C1QTNF3: variants seen among roughly 807,000 people sequenced by gnomAD.
C1QTNF3 encodes the protein complement C1q tumor necrosis factor-related protein 3.
A neutral mutation model predicts 32.6 loss-of-function variants in C1QTNF3; 26 were observed. The observed-to-expected ratio is 0.80, with a 90% confidence interval of 0.58 to 1.11. C1QTNF3 has a LOEUF of 1.11. Ranked by LOEUF, C1QTNF3 falls within the 50% of genes least tolerant of loss-of-function variation. C1QTNF3 has a pLI of 0.00. For missense variants in C1QTNF3, 362 were observed against 398.2 expected, an observed-to-expected ratio of 0.91 and a Z score of 0.77; for synonymous variants, 155 against 146.0, an observed-to-expected ratio of 1.06 and a Z score of -0.44.
chr5:34,064,163 G>A, the C1QTNF3 span, among the ~76,000 whole-genome samples: 8 of 152,280 alleles, frequency 5.3e-5, no homozygotes, highest in Non-Finnish European at 7.4e-5. Context: ...CAGCAGCCAC[G>A]CTAATCTTTT....
the C1QTNF3 span, among the ~76,000 whole-genome samples, chr5:34,164,319 C>A: frequency 6.6e-6 from 1 of 152,094 alleles, no homozygotes; most frequent in South Asian, 2.1e-4. Flanking sequence ...TCGAATTAGA[C>A]AATAATGTGG....
chr5:34,163,265 TACA>T, the C1QTNF3 span, among the ~76,000 whole-genome samples: 6 of 152,090 alleles, frequency 3.9e-5, no homozygotes, highest in Non-Finnish European at 7.4e-5. Flanking sequence ...TGATGTTATG[TACA>T]ACAACCCCCC....
intron 4 of C1QTNF3, among the ~76,000 whole-genome samples, chr5:34,027,974 A>C (rs2112104366): frequency 6.6e-6 from 1 of 152,210 alleles, no homozygotes; most frequent in Non-Finnish European, 1.5e-5. Context: ...TTGCATAAAC[A>C]AGCTCTTTTT....
the C1QTNF3 span, among the ~76,000 whole-genome samples, chr5:34,110,511 C>T: frequency 3.6e-3 from 540 of 150,818 alleles, no homozygotes; most frequent in Non-Finnish European, 6.3e-3. Context: ...CTCTCTATCA[C>T]AAAAGTTTCC....
the C1QTNF3 span, chr5:34,244,698 T>G: frequency 6.6e-6 from 1 of 152,038 alleles, no homozygotes; most frequent in Non-Finnish European, 1.5e-5. Context: ...CCCACCGGAC[T>G]CAGGAGCCCA....
the C1QTNF3 span, among the ~76,000 whole-genome samples, chr5:34,055,832 A>G: frequency 6.6e-6 from 1 of 152,236 alleles, no homozygotes; most frequent in African/African-American, 2.4e-5. Context: ...TCCAATATGC[A>G]GTGGGAAATC....
the C1QTNF3 span, among the ~76,000 whole-genome samples, chr5:34,221,442 GTTC>G: frequency 6.6e-6 from 1 of 152,006 alleles, no homozygotes; most frequent in Non-Finnish European, 1.5e-5. Flanking sequence ...ACATTGAAAT[GTTC>G]TTTATCAAAG....
chr5:34,144,996 G>A, the C1QTNF3 span, among the ~76,000 whole-genome samples: 6 of 152,256 alleles, frequency 3.9e-5, no homozygotes, highest in East Asian at 1.2e-3. Flanking sequence ...AGGCGTGGTG[G>A]TGCGTGCCTG....
the C1QTNF3 span, among the ~76,000 whole-genome samples, chr5:34,156,394 T>C: frequency 6.6e-6 from 1 of 152,188 alleles, no homozygotes; most frequent in Admixed American, 6.5e-5. Flanking sequence ...TAACAGTCTT[T>C]CATAAAAAAT....
At chr5:34,026,730 G>A (rs73079053) in intron 4 of C1QTNF3, among the ~76,000 whole-genome samples, 6,686 of 152,038 alleles carry the variant, frequency 0.044, 189 homozygotes, top group Middle Eastern at 0.099. Context: ...GCATACGGCT[G>A]GTCTAGGAAA....
the C1QTNF3 span, among the ~76,000 whole-genome samples, chr5:34,134,039 T>C: frequency 6.6e-6 from 1 of 152,234 alleles, no homozygotes; most frequent in Admixed American, 6.5e-5. Context: ...AATGACTTGA[T>C]GATAATTATA....
chr5:34,114,370 GCAAA>G, the C1QTNF3 span, among the ~76,000 whole-genome samples: 3 of 151,962 alleles, frequency 2.0e-5, no homozygotes, highest in Non-Finnish European at 2.9e-5. Context: ...GTATCTATAA[GCAAA>G]CAAAAAAATC....
upstream of C1QTNF3, chr5:34,043,358 T>G: frequency 1.8e-6 from 1 of 544,416 alleles, no homozygotes; most frequent in Non-Finnish European, 3.3e-6. Flanking sequence ...ACGATTTGTG[T>G]GCACAGTTCC....
chr5:34,155,769 C>T, the C1QTNF3 span, among the ~76,000 whole-genome samples: 1 of 151,964 alleles, frequency 6.6e-6, no homozygotes, highest in Non-Finnish European at 1.5e-5. Flanking sequence ...CAAATCTTGA[C>T]TGTTGTTTTA....
the C1QTNF3 span, among the ~76,000 whole-genome samples, chr5:34,220,325 T>C: frequency 1.3e-5 from 2 of 152,058 alleles, no homozygotes; most frequent in Non-Finnish European, 2.9e-5. Flanking sequence ...TTTTAGACAG[T>C]GGAGATGCCA....
chr5:34,153,622 C>T, the C1QTNF3 span, among the ~76,000 whole-genome samples: 3 of 58,368 alleles, frequency 5.1e-5, no homozygotes, highest in Non-Finnish European at 6.6e-5. Context: ...AACCAAACAC[C>T]GCATATTCTC....
the C1QTNF3 span, among the ~76,000 whole-genome samples, chr5:34,074,979 T>C: frequency 6.6e-6 from 1 of 151,920 alleles, no homozygotes; most frequent in South Asian, 2.1e-4. Flanking sequence ...TTATTATTCA[T>C]GTAATTGTTT....
chr5:34,069,962 C>T, the C1QTNF3 span, among the ~76,000 whole-genome samples: 5 of 152,162 alleles, frequency 3.3e-5, no homozygotes, highest in African/African-American at 1.2e-4. Context: ...TATAATTTCT[C>T]TATCTTTAAA....
chr5:34,170,217 AG>A, the C1QTNF3 span, among the ~76,000 whole-genome samples: 1 of 152,154 alleles, frequency 6.6e-6, no homozygotes, highest in Non-Finnish European at 1.5e-5. Flanking sequence ...CACTTATACG[AG>A]GTATCTGTAA....
Sources: gnomAD v4.1 joint callset for allele counts (sites outside exome capture counted in the v4.1 genomes callset) on GRCh38, gnomAD v4.1.1 for gene constraint, MANE v1.5 for transcripts, NCBI Gene and HGNC (gene_info 2026-07-23, HGNC 2026-07-21) for gene names.